The following RAB9A variants were observed in gnomAD, a reference collection of about 807,000 sequenced individuals.
The protein encoded by RAB9A is RAB9A, member RAS oncogene family, also known as ras-related protein Rab-9A.
In RAB9A, 1 loss-of-function variant was observed where a neutral mutation model predicts 10.3. The observed-to-expected ratio is 0.10, with a 90% CI of 0.03 to 0.46. The LOEUF is 0.46. Among genes scored for constraint, RAB9A ranks in the 20% least tolerant of loss-of-function variants. RAB9A has a pLI of 0.96. For synonymous variants in RAB9A, 39 were observed against 55.2 expected (o/e 0.71, Z 1.30); for missense variants, 92 against 150.3 (o/e 0.61, Z 2.03).
At chrX:13,705,620 G>A (rs971807368) in intron 2 of RAB9A, among the ~76,000 whole-genome samples, 3 of 112,097 alleles carry the variant, frequency 2.7e-5, no homozygotes, top group Non-Finnish European at 5.6e-5. Flanking sequence ...ATATAAAGAT[G>A]CTAAAAATTC....
At chrX:13,691,315 A>T (rs2046121682) in intron 1 of RAB9A, among the ~76,000 whole-genome samples, 1 of 111,296 alleles carries the variant, frequency 9.0e-6, no homozygotes, top group South Asian at 3.7e-4. Flanking sequence ...CATCATTTTA[A>T]CAGTGAGCAG....
chrX:13,695,178 G>C (rs1433629381), intron 1 of RAB9A, among the ~76,000 whole-genome samples: 1 of 112,299 alleles, frequency 8.9e-6, no homozygotes, highest in Non-Finnish European at 1.9e-5. Context: ...TCTCATTGTT[G>C]GCTGCTGCTT....
chrX:13,690,616 A>G (rs975654062), intron 1 of RAB9A, among the ~76,000 whole-genome samples: 1 of 111,438 alleles, frequency 9.0e-6, no homozygotes, highest in Non-Finnish European at 1.9e-5. Flanking sequence ...TTTTGTTTCT[A>G]TCTCAACCAT....
chrX:13,699,368 C>T (rs184553794), intron 1 of RAB9A, among the ~76,000 whole-genome samples: 24 of 112,270 alleles, frequency 2.1e-4, no homozygotes, highest in African/African-American at 7.4e-4. Flanking sequence ...ATATACTCTT[C>T]GTTCTCAATG....
intron 1 of RAB9A, among the ~76,000 whole-genome samples, chrX:13,689,985 A>G (rs764343758): frequency 1.9e-5 from 2 of 105,005 alleles, no homozygotes; most frequent in African/African-American, 7.0e-5. Flanking sequence ...TTTTTTGGTA[A>G]GGGATGACAC....
At position 13,705,206 on chromosome X, in the gene RAB9A, T is replaced by C. The variant is rs751810493; in HGVS notation, c.-27+1304T>C. Among the ~76,000 whole-genome samples, 8 of 112,470 alleles carry C rather than the reference T, an allele frequency of 7.1e-5. No homozygotes were observed. The East Asian group carries it at 1.4e-3, about 19-fold the overall frequency. ...TCAAATGAAACTGGCTTTTGTTAGATGTCACTGGTAAATAAGATGGTGTGT... is the reference window on the plus strand; with the variant it reads ...TCAAATGAAACTGGCTTTTGTTAGACGTCACTGGTAAATAAGATGGTGTGT... On this transcript the variant is annotated intron_variant, in intron 2 of 2. Transcript: ENST00000464506.
rs767522567 is a variant in RAB9A, at chrX:13,690,641, C to G, written c.-116+1353C>G. Among the ~76,000 whole-genome samples, 6 of 111,959 alleles carry G rather than the reference C, an allele frequency of 5.4e-5. No homozygotes were observed. The East Asian group carries it at 1.7e-3, about 31-fold the overall frequency. ...ATCTCAACCATTTCTTCTGTCTGGA[C>G]TACAGTACTCTGGAGGCCTAAAGAG... On this transcript the variant is annotated intron_variant, in intron 1 of 2. Transcript: ENST00000464506.
At chrX:13,708,400 G>T (rs2046207439) in intron 2 of RAB9A, among the ~76,000 whole-genome samples, 1 of 110,765 alleles carries the variant, frequency 9.0e-6, no homozygotes, top group African/African-American at 3.3e-5. Context: ...CAAATGGTGG[G>T]GCTTACTATG....
chrX:13,707,324 C>T (rs751846261), intron 2 of RAB9A, among the ~76,000 whole-genome samples: 3 of 111,596 alleles, frequency 2.7e-5, no homozygotes, highest in Non-Finnish European at 3.8e-5. Flanking sequence ...TAATCTGATT[C>T]GAAATAACTG....
At chrX:13,705,016 A>C (rs2046191479) in intron 2 of RAB9A, among the ~76,000 whole-genome samples, 1 of 112,450 alleles carries the variant, frequency 8.9e-6, no homozygotes, top group Non-Finnish European at 1.9e-5. Flanking sequence ...GTGAAGTATA[A>C]GAGACTTCAC....
chrX:13,700,795 G>T (rs932644493), intron 1 of RAB9A, among the ~76,000 whole-genome samples: 2 of 109,556 alleles, frequency 1.8e-5, no homozygotes, highest in Admixed American at 9.7e-5. Flanking sequence ...TTTCAAGGTA[G>T]GGTCTCACTC....
chrX:13,694,048 C>T (rs897573273), intron 1 of RAB9A, among the ~76,000 whole-genome samples: 3 of 112,116 alleles, frequency 2.7e-5, no homozygotes, highest in African/African-American at 9.7e-5. Flanking sequence ...AGGAGTTGAA[C>T]TGACTACTGT....
chrX:13,692,955 C>T (rs2046132573), intron 1 of RAB9A, among the ~76,000 whole-genome samples: 1 of 112,286 alleles, frequency 8.9e-6, no homozygotes, highest in Non-Finnish European at 1.9e-5. Flanking sequence ...CACATGGAAT[C>T]TAACAAAAGT....
chrX:13,701,116 T>A (rs1361454215), intron 1 of RAB9A, among the ~76,000 whole-genome samples: 2 of 111,145 alleles, frequency 1.8e-5, no homozygotes, highest in African/African-American at 6.6e-5. Flanking sequence ...GTTTATAGTA[T>A]ATTCACAGAG....
At chrX:13,702,168 A>G (rs2046177151) in intron 1 of RAB9A, among the ~76,000 whole-genome samples, 1 of 111,426 alleles carries the variant, frequency 9.0e-6, no homozygotes, top group Non-Finnish European at 1.9e-5. Flanking sequence ...GCTCAGGCCT[A>G]CCTTGAGTTC....
intron 1 of RAB9A, among the ~76,000 whole-genome samples, chrX:13,703,303 G>C (rs1470926308): frequency 8.9e-6 from 1 of 111,887 alleles, no homozygotes; most frequent in Non-Finnish European, 1.9e-5. Flanking sequence ...GTGACCTTGA[G>C]CATGTATGTA....
In RAB9A at chrX:13,709,968, C is replaced by T. The variant is rs1358898629; in HGVS notation, c.*616C>T. 1 of 123,382 alleles carries T rather than the reference C, an allele frequency of 8.1e-6. No homozygotes were observed. The highest frequency in any genetic ancestry group is 9.5e-5 in the Admixed American group (1 of 10,560). The allele number at this position is 123,382 out of a possible 1,213,427, so 10.2% of individuals were successfully genotyped here. On this transcript the variant is annotated 3_prime_UTR_variant, in exon 3 of 3. Transcript: ENST00000464506. Reference sequence around the variant, plus strand: ...ACCCCCACCCCCATAAATCATGTTCCACAGTCTCAGGCGGAGGGTGGGCCC... The same window carrying T: ...ACCCCCACCCCCATAAATCATGTTCTACAGTCTCAGGCGGAGGGTGGGCCC...
At chrX:13,695,609 G>A (rs1189029952) in intron 1 of RAB9A, among the ~76,000 whole-genome samples, 1 of 112,302 alleles carries the variant, frequency 8.9e-6, no homozygotes, top group Non-Finnish European at 1.9e-5. Flanking sequence ...GCTGAATGAA[G>A]TGCGTAAGAG....
At chrX:13,689,716 C>T (rs1354250395) in intron 1 of RAB9A, among the ~76,000 whole-genome samples, 1 of 111,718 alleles carries the variant, frequency 9.0e-6, no homozygotes, top group Non-Finnish European at 1.9e-5. Context: ...GCTCCCATGA[C>T]TTGATTTTGG....
Sources: gnomAD v4.1 joint callset for allele counts (sites outside exome capture counted in the v4.1 genomes callset) on GRCh38, gnomAD v4.1.1 for gene constraint, MANE v1.5 for transcripts, NCBI Gene and HGNC (gene_info 2026-07-23, HGNC 2026-07-21) for gene names.